Variants in GOLT1B observed in about 807,000 individuals in gnomAD.
GOLT1B encodes vesicle transport protein GOT1B.
Under a neutral mutation model 15.4 loss-of-function variants are expected in GOLT1B, and 3 were observed. The observed-to-expected ratio is 0.19, with a 90% CI of 0.09 to 0.50. The LOEUF (loss-of-function observed/expected upper bound fraction) is 0.50, where lower values mean the gene tolerates loss of function less well. Ranked by LOEUF, GOLT1B falls within the 20% of genes least tolerant of loss-of-function variation. The pLI, the probability that GOLT1B is intolerant of heterozygous loss-of-function variation, is 0.97. For missense variants in GOLT1B, 145 were observed against 160.4 expected (o/e 0.90, Z 0.52); for synonymous variants, 65 against 56.2 (o/e 1.16, Z -0.70).
intron 4 of GOLT1B, 145 bp downstream of exon 4, chr12:21,512,521 G>C: frequency 1.8e-6 from 1 of 548,510 alleles, no homozygotes; most frequent in South Asian, 2.8e-5. Context: ...GTACCATGAA[G>C]ACCAAAAAAT....
intron 1 of GOLT1B, among the ~76,000 whole-genome samples, chr12:21,505,316 G>A (rs1943671478): frequency 6.6e-6 from 1 of 152,096 alleles, no homozygotes; most frequent in Non-Finnish European, 1.5e-5. Flanking sequence ...CAAAGCTGCC[G>A]ATGTTTAATC....
chr12:21,506,644 G>T (rs1943680650), intron 1 of GOLT1B, among the ~76,000 whole-genome samples: 1 of 151,972 alleles, frequency 6.6e-6, no homozygotes. Flanking sequence ...CTATGTCTGA[G>T]AAATGCTATC....
chr12:21,507,432 G>T, intron 2 of GOLT1B: 1 of 209,026 alleles, frequency 4.8e-6, no homozygotes, highest in South Asian at 7.2e-5. Context: ...TTGTTTATTT[G>T]GAATGTGTAC....
intron 4 of GOLT1B, 98 bp from the exon 5 acceptor site, chr12:21,515,571 G>A (rs767822272): frequency 1.1e-5 from 8 of 712,916 alleles, no homozygotes; most frequent in Non-Finnish European, 2.0e-5. Flanking sequence ...AACTCTTCTT[G>A]TAAGGCTGGG....
chr12:21,503,978 C>A (rs968953523), intron 1 of GOLT1B, among the ~76,000 whole-genome samples: 1 of 152,136 alleles, frequency 6.6e-6, no homozygotes, highest in Non-Finnish European at 1.5e-5. Context: ...ATTGCATTCT[C>A]CAGTACAGTT....
At chr12:21,504,656 AT>A (rs67392337) in intron 1 of GOLT1B, 364,070 of 472,918 alleles carry the variant, frequency 0.77, 144,069 homozygotes, top group East Asian at 0.99. Context: ...AAGTTACTGA[AT>A]TACCTCTAGG....
chr12:21,518,072 A>G lies in GOLT1B; in HGVS notation c.*2365A>G, dbSNP rs1943768726. 1.3e-5 allele frequency: 2 copies of G among 152,592 alleles called. No individual in the cohort carries two copies. The highest frequency in any genetic ancestry group is 4.1e-4 in the South Asian group (2 of 4,828). The allele number at this position is 152,592 out of a possible 1,614,324, so 9.5% of individuals were successfully genotyped here. On this transcript the variant is annotated 3_prime_UTR_variant, in exon 5 of 5. Transcript: ENST00000229314. ...TTCCTGAAATACTGCTGCTTTAAAA[A>G]GTCCCACTGTCAGATTATATTATCT...
chr12:21,506,772 G>A (rs988333082), intron 1 of GOLT1B, 113 bp from the exon 2 acceptor site: 13 of 531,068 alleles, frequency 2.4e-5, no homozygotes, highest in Non-Finnish European at 4.4e-5. Flanking sequence ...GCAATGTTGG[G>A]TACCTGTTTT....
intron 2 of GOLT1B, among the ~76,000 whole-genome samples, chr12:21,507,765 C>G (rs927712927): frequency 6.6e-6 from 1 of 152,122 alleles, no homozygotes; most frequent in Non-Finnish European, 1.5e-5. Flanking sequence ...AAAGCAAGCT[C>G]TTAATCCATC....
chr12:21,507,887 T>A (rs1943690868), intron 2 of GOLT1B: 9 of 445,868 alleles, frequency 2.0e-5, no homozygotes, highest in South Asian at 1.5e-4. Flanking sequence ...TCTTCTTGGC[T>A]TCACGTTGTT....
At chr12:21,503,244 G>C (rs1197815683) in intron 1 of GOLT1B, among the ~76,000 whole-genome samples, 1 of 152,200 alleles carries the variant, frequency 6.6e-6, no homozygotes, top group East Asian at 1.9e-4. Flanking sequence ...GCTTTCATGT[G>C]AATCATTATG....
At chr12:21,508,703 A>G (rs896913615) in intron 3 of GOLT1B, 142 bp downstream of exon 3, 6 of 588,532 alleles carry the variant, frequency 1.0e-5, no homozygotes, top group Middle Eastern at 4.4e-4. Flanking sequence ...ATAGATTTAG[A>G]TGAAGCAACT....
chr12:21,508,428 A>G lies in GOLT1B; in HGVS notation c.163A>G (p.Thr55Ala), dbSNP rs763937560. Residue 55 changes from threonine (T) to alanine (A), a missense_variant, in exon 3 of 5, where the codon ACA (threonine) becomes GCA (alanine). Coordinates refer to ENST00000229314, the MANE Select transcript of GOLT1B (RefSeq NM_016072.5). ...GLAFVIGLER[T>A]FRFFFQKHKM... The stretch of plus-strand genomic sequence containing the variant: ...GGCTTTTGTAATTGGTTTAGAAAGA[A>G]CATTCAGATTCTTCTTCCAAAAACA... 2 of 1,596,860 alleles carry G rather than the reference A, an allele frequency of 1.3e-6. No homozygotes were observed. Among genetic ancestry groups the G allele is most frequent in the African/African-American group, 1.3e-5 (1 of 74,102 alleles).
At chr12:21,504,553 G>A (rs1476993554) in intron 1 of GOLT1B, 3 of 506,656 alleles carry the variant, frequency 5.9e-6, no homozygotes, top group Non-Finnish European at 1.2e-5. Flanking sequence ...GGAGTGAGAA[G>A]ACTGGTTGAA....
chr12:21,510,978 G>C (rs963083468), intron 3 of GOLT1B, among the ~76,000 whole-genome samples: 1 of 152,126 alleles, frequency 6.6e-6, no homozygotes, highest in East Asian at 1.9e-4. Flanking sequence ...TCCCGATATC[G>C]CAATCAGTTA....
intron 1 of GOLT1B, among the ~76,000 whole-genome samples, chr12:21,504,289 T>G (rs1439478841): frequency 6.6e-6 from 1 of 152,206 alleles, no homozygotes; most frequent in African/African-American, 2.4e-5. Flanking sequence ...GGCAGCTCTA[T>G]GCAAGGCTTT....
chr12:21,504,967 G>T (rs1943669190), intron 1 of GOLT1B, among the ~76,000 whole-genome samples: 1 of 152,130 alleles, frequency 6.6e-6, no homozygotes, highest in African/African-American at 2.4e-5. Context: ...TGTGGGAAGA[G>T]GTATGGCATT....
rs551909333 is a variant in GOLT1B, at chr12:21,502,113, C to G, written c.25+165C>G. ...CCCTAAGGGGCTGCCTTCGGGATGC[C>G]GGGGCTAGACTTGGACTGGCGGACC... On this transcript the variant is annotated intron_variant, in intron 1 of 4. Coordinates refer to ENST00000229314, the MANE Select transcript of GOLT1B (RefSeq NM_016072.5). Among the ~76,000 whole-genome samples, 590 of 152,308 alleles carry G rather than the reference C, an allele frequency of 3.9e-3. 6 individuals are homozygous for G. Among genetic ancestry groups the G allele is most frequent in the Non-Finnish European group, 3.7e-3 (254 of 68,024 alleles).
chr12:21,513,818 A>G (rs570263670), intron 4 of GOLT1B, among the ~76,000 whole-genome samples: 1 of 152,334 alleles, frequency 6.6e-6, no homozygotes, highest in East Asian at 1.9e-4. Context: ...AAAAAGAGAA[A>G]GGAAAGGAGA....
Sources: allele counts gnomAD v4.1 joint callset (sites outside exome capture counted in the v4.1 genomes callset), GRCh38; gene constraint gnomAD v4.1.1; transcripts MANE v1.5; gene names NCBI Gene and HGNC (gene_info 2026-07-23, HGNC 2026-07-21).